CACNA2D1: variants seen among roughly 807,000 people sequenced by gnomAD.
CACNA2D1 encodes the protein calcium voltage-gated channel auxiliary subunit alpha2delta 1.
Under a neutral mutation model 171.5 loss-of-function variants are expected in CACNA2D1, and 53 were observed. The observed-to-expected ratio is 0.31, with a 90% CI of 0.25 to 0.39. The LOEUF is 0.39. Among genes scored for constraint, CACNA2D1 ranks in the 10% least tolerant of loss-of-function variants. The probability of loss-of-function intolerance (pLI) is 1.00; values close to 1 mark genes in which losing one functional copy is unlikely to be tolerated. For synonymous variants in CACNA2D1, 442 were observed against 443.1 expected (o/e 1.00, Z 0.03); for missense variants, 903 against 1,299.8 (o/e 0.69, Z 4.69).
chr7:82,438,649 T>C (rs1314799835), intron 1 of CACNA2D1, among the ~76,000 whole-genome samples: 1 of 152,188 alleles, frequency 6.6e-6, no homozygotes, highest in Non-Finnish European at 1.5e-5. Context: ...AGCAACTGTA[T>C]GAAAGCCTTG....
At chr7:82,293,327 T>C (rs80265932) in intron 3 of CACNA2D1, among the ~76,000 whole-genome samples, 4,085 of 152,314 alleles carry the variant, frequency 0.027, 149 homozygotes, top group East Asian at 0.1. Context: ...ATTTTGACTT[T>C]CTCATTAAGT....
chr7:82,238,071 C>A (rs1803824745), intron 3 of CACNA2D1, among the ~76,000 whole-genome samples: 1 of 151,928 alleles, frequency 6.6e-6, no homozygotes, highest in African/African-American at 2.4e-5. Context: ...ATACTATCTT[C>A]TATTGTGAAT....
chr7:82,337,835 A>G (rs1818180688), intron 2 of CACNA2D1, among the ~76,000 whole-genome samples: 1 of 152,152 alleles, frequency 6.6e-6, no homozygotes, highest in Admixed American at 6.6e-5. Context: ...CTAAAGTTGA[A>G]GTTCTCCTGC....
chr7:82,229,975 C>A (rs897346078), intron 3 of CACNA2D1, among the ~76,000 whole-genome samples: 3 of 152,210 alleles, frequency 2.0e-5, no homozygotes, highest in African/African-American at 7.2e-5. Context: ...ATAAGCACAG[C>A]TCCAATTCCT....
At chr7:82,060,223 A>ATATATATATATTATATATATAT (rs1806654820) in intron 10 of CACNA2D1, among the ~76,000 whole-genome samples, 2 of 17,364 alleles carry the variant, frequency 1.2e-4, no homozygotes, top group Non-Finnish European at 2.3e-4. Context: ...TATATATATA[A>ATATATATATATTATATATATAT]TATATATATA....
chr7:82,180,590 T>C (rs904692678), intron 3 of CACNA2D1, among the ~76,000 whole-genome samples: 7 of 152,156 alleles, frequency 4.6e-5, no homozygotes, highest in African/African-American at 1.7e-4. Flanking sequence ...TTGAAAACTC[T>C]ATTGAGAGTG....
intron 20 of CACNA2D1, among the ~76,000 whole-genome samples, chr7:81,991,781 TG>T (rs1797563287): frequency 1.3e-5 from 2 of 152,152 alleles, no homozygotes; most frequent in South Asian, 4.1e-4. Context: ...AGTTCATGCA[TG>T]GCTCTATCTT....
At chr7:82,287,285 G>T in intron 3 of CACNA2D1, among the ~76,000 whole-genome samples, 1 of 148,932 alleles carries the variant, frequency 6.7e-6, no homozygotes, top group South Asian at 2.1e-4. Context: ...ATACACTAGA[G>T]TCCCTTGTTT....
At position 82,053,251 on chromosome 7, in the gene CACNA2D1, CAAAAA is replaced by C. The variant is rs4019049; in HGVS notation, c.879+7172_879+7176del. ...TGGGTGACAGAGCGAGACTCCGTCT[CAAAAA>C]AAAAAAAAAAAAATTAAATAATTAC... On this transcript the variant is annotated intron_variant, in intron 10 of 38. Coordinates refer to ENST00000356860, the MANE Select transcript of CACNA2D1 (RefSeq NM_000722.4). 4.3e-5 allele frequency among the ~76,000 whole-genome samples: 5 copies of C among 115,806 alleles called. No homozygotes were observed. In the South Asian group the frequency reaches 8.9e-4, roughly 21 times the overall value. 76.0% of individuals were successfully genotyped at this position (115,806 alleles called of 152,430 possible).
At chr7:82,258,725 C>T (rs1453902646) in intron 3 of CACNA2D1, among the ~76,000 whole-genome samples, 1 of 151,470 alleles carries the variant, frequency 6.6e-6, no homozygotes, top group Non-Finnish European at 1.5e-5. Context: ...CTTATCTGAC[C>T]AACCAAAAGA....
chr7:82,018,967 C>G (rs369015964), intron 12 of CACNA2D1, among the ~76,000 whole-genome samples: 18 of 104,130 alleles, frequency 1.7e-4, no homozygotes, highest in African/African-American at 6.5e-4. Context: ...CTGGGCAACA[C>G]AGTGAGTGAG....
chr7:82,281,447 T>C (rs749892592), intron 3 of CACNA2D1, among the ~76,000 whole-genome samples: 2 of 152,168 alleles, frequency 1.3e-5, no homozygotes, highest in Non-Finnish European at 2.9e-5. Flanking sequence ...CACAAGACAA[T>C]GTGGACATAT....
intron 11 of CACNA2D1, among the ~76,000 whole-genome samples, chr7:82,036,930 C>CACCT (rs368899300): frequency 5.9e-5 from 9 of 152,156 alleles, no homozygotes; most frequent in Middle Eastern, 3.2e-3. Context: ...CAGCAACCTA[C>CACCT]ACCTGCGTGT....
At chr7:82,143,847 C>A (rs1792678510) in intron 4 of CACNA2D1, among the ~76,000 whole-genome samples, 1 of 152,124 alleles carries the variant, frequency 6.6e-6, no homozygotes, top group Admixed American at 6.5e-5. Flanking sequence ...AAATTACACA[C>A]CAGTAAATCA....
chr7:82,075,793 C>T (rs1263556995), intron 7 of CACNA2D1, among the ~76,000 whole-genome samples: 1 of 152,026 alleles, frequency 6.6e-6, no homozygotes, highest in East Asian at 1.9e-4. Context: ...ATCAAGTATA[C>T]TGAACATAAA....
At chr7:82,137,061 T>C (rs1217260274) in intron 4 of CACNA2D1, among the ~76,000 whole-genome samples, 1 of 152,236 alleles carries the variant, frequency 6.6e-6, no homozygotes, top group African/African-American at 2.4e-5. Context: ...CCATGATTTT[T>C]ATATACATAC....
intron 10 of CACNA2D1, among the ~76,000 whole-genome samples, chr7:82,049,629 G>A (rs556125833): frequency 2.2e-4 from 34 of 152,226 alleles, no homozygotes; most frequent in Admixed American, 1.6e-3. Context: ...GGAATCACCC[G>A]GGGGACTTTC....
At chr7:82,340,046 C>G (rs897364321) in intron 2 of CACNA2D1, among the ~76,000 whole-genome samples, 18 of 152,220 alleles carry the variant, frequency 1.2e-4, no homozygotes, top group Admixed American at 1.2e-3. Context: ...CTTTGAAGAC[C>G]AAGGGAAGGA....
intron 38 of CACNA2D1, among the ~76,000 whole-genome samples, chr7:81,952,807 T>C (rs1466523163): frequency 6.6e-6 from 1 of 152,122 alleles, no homozygotes; most frequent in African/African-American, 2.4e-5. Context: ...ACTCACTCTT[T>C]TGTATGTTCA....
Sources: gnomAD v4.1 joint callset for allele counts (sites outside exome capture counted in the v4.1 genomes callset) on GRCh38, gnomAD v4.1.1 for gene constraint, MANE v1.5 for transcripts, NCBI Gene and HGNC (gene_info 2026-07-23, HGNC 2026-07-21) for gene names.